The following MILR1 variants were observed in gnomAD, a reference collection of about 807,000 sequenced individuals.
MILR1 encodes the protein mast cell immunoglobulin like receptor 1, also known as allergin-1.
Under a neutral mutation model 18.5 loss-of-function variants are expected in MILR1, and 31 were observed. That is an observed-to-expected ratio of 1.68 (90% CI 1.26 to 2.26). The LOEUF is 2.26. Among genes scored for constraint, MILR1 ranks in the 30% most tolerant of loss-of-function variants. The pLI, the probability that MILR1 is intolerant of heterozygous loss-of-function variation, is 0.00. For synonymous variants in MILR1, 85 were observed against 56.2 expected (o/e 1.51, Z -2.30); for missense variants, 257 against 157.4 (o/e 1.63, Z -3.38).
chr17:64,495,298 G>C, the MILR1 span, among the ~76,000 whole-genome samples: 19 of 152,092 alleles, frequency 1.2e-4, no homozygotes, highest in African/African-American at 3.9e-4. Flanking sequence ...AAAATCATGA[G>C]GCTGGGCACT....
downstream of MILR1, among the ~76,000 whole-genome samples, chr17:64,470,014 T>C (rs2037663481): frequency 6.6e-6 from 1 of 152,192 alleles, no homozygotes; most frequent in African/African-American, 2.4e-5. Flanking sequence ...GGCTAACAGA[T>C]ACAGCGTTTC....
At chr17:64,449,574 T>C (rs1051400505) in intron 2 of MILR1, among the ~76,000 whole-genome samples, 2 of 152,172 alleles carry the variant, frequency 1.3e-5, no homozygotes, top group Non-Finnish European at 2.9e-5. Context: ...TGAAATTTGT[T>C]TTCACAATGA....
intron 2 of MILR1, 109 bp from the exon 3 acceptor site, chr17:64,452,488 A>C (rs1314561076): frequency 4.9e-6 from 2 of 405,286 alleles, no homozygotes; most frequent in Non-Finnish European, 8.9e-6. Context: ...CATGGCCTCA[A>C]GTGATCCACC....
the MILR1 span, among the ~76,000 whole-genome samples, chr17:64,475,054 T>C: frequency 6.9e-4 from 104 of 151,522 alleles, no homozygotes; most frequent in South Asian, 1.5e-3. Flanking sequence ...CCACGTGTGG[T>C]AGCAGGCGCC....
At chr17:64,474,436 G>A in the MILR1 span, among the ~76,000 whole-genome samples, 11 of 152,048 alleles carry the variant, frequency 7.2e-5, no homozygotes, top group Non-Finnish European at 1.6e-4. Context: ...GTACAGTGGT[G>A]TGATCCAAGC....
chr17:64,457,901 C>T (rs1206587017), intron 4 of MILR1, among the ~76,000 whole-genome samples: 1 of 152,274 alleles, frequency 6.6e-6, no homozygotes, highest in East Asian at 1.9e-4. Flanking sequence ...TGGCAGATCA[C>T]TTGAAGGGTC....
At chr17:64,469,494 T>G (rs1170090301), downstream of MILR1, among the ~76,000 whole-genome samples, 1 of 152,194 alleles carries the variant, frequency 6.6e-6, no homozygotes, top group African/African-American at 2.4e-5. Flanking sequence ...GCCTCCCGGA[T>G]TAAAGCGATT....
intron 2 of MILR1, among the ~76,000 whole-genome samples, chr17:64,451,228 C>T (rs974336627): frequency 7.2e-5 from 11 of 152,074 alleles, no homozygotes; most frequent in African/African-American, 2.4e-4. Flanking sequence ...TCCGCAGCCT[C>T]GACCTTCCAA....
the MILR1 span, among the ~76,000 whole-genome samples, chr17:64,474,374 CTTAT>C: frequency 6.6e-6 from 1 of 151,630 alleles, no homozygotes; most frequent in African/African-American, 2.4e-5. Context: ...CGTGCCCGGC[CTTAT>C]TTTTTATTTT....
intron 2 of MILR1, among the ~76,000 whole-genome samples, chr17:64,449,922 A>ATTTCTTTC (rs1253200155): frequency 8.5e-4 from 125 of 147,688 alleles, no homozygotes; most frequent in African/African-American, 3.0e-3. Context: ...TTTGACCTTA[A>ATTTCTTTC]TTTCTTTCTT....
Position 64,451,896 on chromosome 17 carries a change from C to T in MILR1, c.98-701C>T, listed in dbSNP as rs958292259. Among the ~76,000 whole-genome samples the T allele has an allele frequency of 4.6e-5, 7 of 150,998 alleles. No homozygotes were observed. The East Asian group carries it at 7.8e-4, about 17-fold the overall frequency. ...GTGGTGAGTCAAGATGGTGCCACTG[C>T]GCTCCAGCCTGGGCAACAGAGTGAG... On this transcript the variant is annotated intron_variant, in intron 2 of 9. Coordinates refer to ENST00000619286, the MANE Select transcript of MILR1 (RefSeq NM_001085423.2).
the MILR1 span, among the ~76,000 whole-genome samples, chr17:64,495,311 GGCT>G: frequency 3.3e-5 from 5 of 152,104 alleles, no homozygotes; most frequent in Admixed American, 6.5e-5. Context: ...TGGGCACTGT[GGCT>G]CACACCTGTA....
intron 8 of MILR1, 46 bp downstream of exon 8, chr17:64,466,708 TG>T (rs1555663385): frequency 6.7e-7 from 1 of 1,482,718 alleles, no homozygotes; most frequent in South Asian, 1.2e-5. Context: ...ATGAGACAGG[TG>T]GTCCCTCTGA....
the MILR1 span, chr17:64,492,719 G>C: frequency 6.2e-7 from 1 of 1,613,178 alleles, no homozygotes; most frequent in Admixed American, 1.7e-5. Flanking sequence ...CCACTGGTTT[G>C]AAGTTCTCGG....
chr17:64,492,417 T>C, the MILR1 span, among the ~76,000 whole-genome samples: 1 of 152,210 alleles, frequency 6.6e-6, no homozygotes, highest in Non-Finnish European at 1.5e-5. Flanking sequence ...GAATGCTAGG[T>C]GAGGGCTTTG....
chr17:64,461,829 A>T (rs2037438540), intron 5 of MILR1, among the ~76,000 whole-genome samples: 1 of 151,458 alleles, frequency 6.6e-6, no homozygotes, highest in Admixed American at 6.6e-5. Context: ...CATTAGTTTG[A>T]CTCCTCTAGG....
At chr17:64,495,744 T>A in the MILR1 span, among the ~76,000 whole-genome samples, 1 of 152,136 alleles carries the variant, frequency 6.6e-6, no homozygotes, top group African/African-American at 2.4e-5. Context: ...GTTTTGCTCT[T>A]GTCACCCAAG....
chr17:64,494,789 G>GAAA, the MILR1 span, among the ~76,000 whole-genome samples: 1 of 152,090 alleles, frequency 6.6e-6, no homozygotes, highest in East Asian at 1.9e-4. Context: ...TTGCTTTTTA[G>GAAA]CACCATAAAG....
At chr17:64,481,026 C>T in the MILR1 span, among the ~76,000 whole-genome samples, 1 of 152,178 alleles carries the variant, frequency 6.6e-6, no homozygotes, top group Non-Finnish European at 1.5e-5. Context: ...AATTTAAAAA[C>T]CCCTTAACAG....
Sources: gnomAD v4.1 joint callset for allele counts (sites outside exome capture counted in the v4.1 genomes callset) on GRCh38, gnomAD v4.1.1 for gene constraint, MANE v1.5 for transcripts, NCBI Gene and HGNC (gene_info 2026-07-23, HGNC 2026-07-21) for gene names.